Variants in MALRD1 observed in about 807,000 individuals in gnomAD.
MALRD1 encodes the protein MAM and LDL-receptor class A domain-containing protein 1.
MALRD1 carries 247 observed loss-of-function variants against 242.1 expected under a neutral mutation model. That is an observed-to-expected ratio of 1.02 (90% CI 0.92 to 1.13). The LOEUF is 1.13. Ranked by LOEUF, MALRD1 falls within the 50% of genes most tolerant of loss-of-function variation. The pLI is 0.00. For synonymous variants in MALRD1, 995 were observed against 866.6 expected, an observed-to-expected ratio of 1.15 and a Z score of -2.60; for missense variants, 2,989 against 2,533.1, an observed-to-expected ratio of 1.18 and a Z score of -3.86.
intron 5 of MALRD1, among the ~76,000 whole-genome samples, chr10:19,121,816 A>G (rs566816407): frequency 2.0e-5 from 3 of 152,314 alleles, no homozygotes; most frequent in African/African-American, 7.2e-5. Context: ...CATTTTCCCA[A>G]TGAAATGTGA....
intron 1 of MALRD1, among the ~76,000 whole-genome samples, chr10:19,055,283 A>G (rs1327182846): frequency 1.3e-5 from 2 of 152,166 alleles, no homozygotes; most frequent in Non-Finnish European, 2.9e-5. Flanking sequence ...TGAGCTCCTT[A>G]TATATTCTGA....
chr10:19,447,499 T>C lies in MALRD1; in HGVS notation c.4846-2808T>C, dbSNP rs192546149. On this transcript the variant is annotated intron_variant, in intron 28 of 39. Coordinates refer to ENST00000454679, the MANE Select transcript of MALRD1 (RefSeq NM_001142308.3). ...GTGAATGCATTATTTGTCTCTTTTTTTACTAGAAGACAAGTTGTAAGATTT... is the reference window on the plus strand; with the variant it reads ...GTGAATGCATTATTTGTCTCTTTTTCTACTAGAAGACAAGTTGTAAGATTT... Among the ~76,000 whole-genome samples the C allele has an allele frequency of 1.3e-3, 205 of 152,352 alleles. 2 individuals are homozygous for C. Among genetic ancestry groups the C allele is most frequent in the African/African-American group, 4.8e-3 (200 of 41,584 alleles).
intron 4 of MALRD1, among the ~76,000 whole-genome samples, chr10:19,101,512 CATT>C (rs984821062): frequency 5.6e-4 from 75 of 132,750 alleles, no homozygotes; most frequent in African/African-American, 2.1e-3. Flanking sequence ...ATATGTATAT[CATT>C]ATATAATATA....
intron 4 of MALRD1, among the ~76,000 whole-genome samples, chr10:19,099,764 T>TA (rs60801105): frequency 0.012 from 504 of 42,774 alleles, 4 homozygotes; most frequent in African/African-American, 0.047. Context: ...TATATATATA[T>TA]TTTTTTTAAT....
At chr10:19,409,935 C>T (rs559956253) in intron 28 of MALRD1, among the ~76,000 whole-genome samples, 4 of 151,870 alleles carry the variant, frequency 2.6e-5, no homozygotes, top group Admixed American at 6.6e-5. Context: ...TCATGGGGTG[C>T]ATAGTGATAT....
Position 19,205,130 on chromosome 10 carries a change from A to T in MALRD1, c.2443A>T (p.Thr815Ser), listed in dbSNP as rs1388265891. 6.5e-7 allele frequency: 1 copy of T among 1,549,998 alleles called. No individual in the cohort carries two copies. The highest frequency in any genetic ancestry group is 2.0e-5 in the Admixed American group (1 of 50,890). ...AIDDIRFENC[T>S]LPLPAESCEG... ...TGATGACATCCGATTTGAAAATTGTACTCTCCCTCTTCCTGCTGAGAGCTG... is the reference window on the plus strand; with the variant it reads ...TGATGACATCCGATTTGAAAATTGTTCTCTCCCTCTTCCTGCTGAGAGCTG... The change falls in exon 17 of 40, where the codon ACT becomes TCT. Residue 815 changes from threonine (T) to serine (S), a missense_variant. Physicochemically the swap from Thr to Ser is moderately conservative, Grantham distance 58 (BLOSUM62 1). Coordinates refer to ENST00000454679, the MANE Select transcript of MALRD1 (RefSeq NM_001142308.3).
chr10:19,582,516 A>G (rs1207406656), intron 33 of MALRD1, among the ~76,000 whole-genome samples: 4 of 135,066 alleles, frequency 3.0e-5, no homozygotes, highest in Non-Finnish European at 6.7e-5. Flanking sequence ...CAGGTTTGTC[A>G]AAGATCAGAT....
rs578114415 is a variant in MALRD1 at position 19,274,690 on chromosome 10, C to T, written c.3080-5357C>T. 5.3e-5 allele frequency among the ~76,000 whole-genome samples: 8 copies of T among 152,200 alleles called. No homozygotes were observed. In the South Asian group the frequency reaches 1.5e-3, roughly 28 times the overall value. ...ACTGACTAAGACAATGGATTAACCT[C>T]GAGGACATCATGCTAAGCTAAATAA... On this transcript the variant is annotated intron_variant, in intron 19 of 39. Coordinates refer to ENST00000454679, the MANE Select transcript of MALRD1 (RefSeq NM_001142308.3).
At chr10:19,616,292 A>G (rs570334443) in intron 36 of MALRD1, among the ~76,000 whole-genome samples, 4 of 151,998 alleles carry the variant, frequency 2.6e-5, no homozygotes, top group African/African-American at 9.6e-5. Flanking sequence ...TTTCATTTCA[A>G]TGTTCTTATT....
At chr10:19,056,869 G>T (rs539485858) in intron 1 of MALRD1, among the ~76,000 whole-genome samples, 1 of 152,196 alleles carries the variant, frequency 6.6e-6, no homozygotes, top group South Asian at 2.1e-4. Context: ...TCTGTTGAAA[G>T]ATTTTATTAT....
intron 2 of MALRD1, among the ~76,000 whole-genome samples, chr10:19,068,559 T>C (rs1424822132): frequency 6.6e-6 from 1 of 152,078 alleles, no homozygotes; most frequent in Non-Finnish European, 1.5e-5. Flanking sequence ...AGAGACAAAA[T>C]ATTGCCTGCA....
chr10:19,165,650 A>G lies in MALRD1; in HGVS notation c.1670A>G (p.Tyr557Cys). ...TGTTTTCAACAGGTGCAGTTTTGGT[A>G]TCATTTGTCTCAACATTCAAATCTC... The part of the protein sequence containing the change: ...ASTPCQVQFW[Y>C]HLSQHSNLSV... The change falls in exon 13 of 40, where the codon TAT becomes TGT. Residue 557 changes from tyrosine (Y) to cysteine (C), a missense_variant. Tyr to Cys is a radical substitution (Grantham distance 194). Coordinates refer to ENST00000454679, the MANE Select transcript of MALRD1 (RefSeq NM_001142308.3). 1 of 1,231,534 alleles carries G rather than the reference A, an allele frequency of 8.1e-7. No homozygotes were observed. Among genetic ancestry groups the G allele is most frequent in the Non-Finnish European group, 1.0e-6 (1 of 987,840 alleles). 76.3% of individuals were successfully genotyped at this position (1,231,534 alleles called of 1,614,324 possible).
intron 31 of MALRD1, among the ~76,000 whole-genome samples, chr10:19,509,684 G>A (rs2131283578): frequency 6.6e-6 from 1 of 152,286 alleles, no homozygotes; most frequent in East Asian, 1.9e-4. Context: ...TCAAACCAAA[G>A]TGAGACCATT....
At chr10:19,518,480 T>A (rs1833735671) in intron 31 of MALRD1, among the ~76,000 whole-genome samples, 1 of 152,144 alleles carries the variant, frequency 6.6e-6, no homozygotes, top group South Asian at 2.1e-4. Context: ...AGTTGATATT[T>A]TATTATTTTT....
At chr10:19,413,938 G>A in intron 28 of MALRD1, among the ~76,000 whole-genome samples, 1 of 147,936 alleles carries the variant, frequency 6.8e-6, no homozygotes, top group Non-Finnish European at 1.5e-5. Flanking sequence ...GTGACAGAGT[G>A]AGACTCTGTC....
intron 36 of MALRD1, among the ~76,000 whole-genome samples, chr10:19,688,345 C>A (rs1222795363): frequency 6.6e-6 from 1 of 152,112 alleles, no homozygotes; most frequent in Non-Finnish European, 1.5e-5. Context: ...TCCCGGCAGC[C>A]TCCAACTCTT....
intron 18 of MALRD1, among the ~76,000 whole-genome samples, chr10:19,227,544 T>C (rs979131306): frequency 6.6e-6 from 1 of 152,036 alleles, no homozygotes; most frequent in African/African-American, 2.4e-5. Context: ...TTTTTAATAA[T>C]CTTACTATAG....
intron 24 of MALRD1, among the ~76,000 whole-genome samples, chr10:19,332,167 A>C (rs1843403374): frequency 7.1e-6 from 1 of 140,164 alleles, no homozygotes; most frequent in African/African-American, 2.7e-5. Context: ...CCTGGCCTGA[A>C]ATAAATGTTG....
chr10:19,688,721 G>A (rs1189294417), intron 36 of MALRD1, among the ~76,000 whole-genome samples: 2 of 152,322 alleles, frequency 1.3e-5, no homozygotes, highest in East Asian at 1.9e-4. Context: ...TCAAAGAATG[G>A]GTGGAACTTC....
Sources: gnomAD v4.1 joint callset for allele counts (sites outside exome capture counted in the v4.1 genomes callset) on GRCh38, gnomAD v4.1.1 for gene constraint, MANE v1.5 for transcripts, NCBI Gene and HGNC (gene_info 2026-07-23, HGNC 2026-07-21) for gene names.